LGI1: variants seen among roughly 807,000 people sequenced by gnomAD.
The protein encoded by LGI1 is leucine rich glioma inactivated 1.
In LGI1, 11 loss-of-function variants were observed where a neutral mutation model predicts 57.7. That is an observed-to-expected ratio of 0.19 (90% CI 0.12 to 0.32). The LOEUF (loss-of-function observed/expected upper bound fraction) is 0.32, where lower values mean the gene tolerates loss of function less well. LGI1 is among the 10% of genes least tolerant of loss of function. LGI1 has a pLI of 1.00. For synonymous variants in LGI1, 222 were observed against 241.9 expected, an observed-to-expected ratio of 0.92 and a Z score of 0.76; for missense variants, 422 against 661.9, an observed-to-expected ratio of 0.64 and a Z score of 3.98.
intron 4 of LGI1, among the ~76,000 whole-genome samples, chr10:93,783,387 T>C (rs2059866536): frequency 6.6e-6 from 1 of 152,046 alleles, no homozygotes; most frequent in Non-Finnish European, 1.5e-5. Context: ...AATAAATAAA[T>C]AAGTAAATAA....
rs2059994667 is a variant in LGI1 at position 93,797,865 on chromosome 10, A to G, written c.*62A>G. On this transcript the variant is annotated 3_prime_UTR_variant, in exon 8 of 8. Coordinates refer to ENST00000371418, the MANE Select transcript of LGI1 (RefSeq NM_005097.4). The surrounding 1 kb of genome is among the most constrained non-coding windows in gnomAD (Gnocchi z 6.5). The stretch of plus-strand genomic sequence containing the variant: ...ACAGTACATGACCCGGATGAACTCA[A>G]TGCATGATGACTCTTCTTATCACAC... 4 of 1,098,806 alleles carry G rather than the reference A, an allele frequency of 3.6e-6. No homozygotes were observed. The highest frequency in any genetic ancestry group is 1.7e-5 in the Admixed American group (1 of 59,290). The allele number at this position is 1,098,806 out of a possible 1,614,324, so 68.1% of individuals were successfully genotyped here. A position where few individuals can be genotyped will look rare whatever the true frequency, so the allele number is the denominator to read the frequency against.
At chr10:93,765,895 A>G (rs559969434) in intron 2 of LGI1, among the ~76,000 whole-genome samples, 200 of 149,710 alleles carry the variant, frequency 1.3e-3, no homozygotes, top group African/African-American at 4.0e-3. Context: ...GCGTGAACCC[A>G]GGAGGCGGAG....
chr10:93,778,209 C>T (rs1358053859), intron 4 of LGI1, among the ~76,000 whole-genome samples: 1 of 152,198 alleles, frequency 6.6e-6, no homozygotes, highest in African/African-American at 2.4e-5. Context: ...GATTCTTCTA[C>T]TGCTTAGGAC....
At chr10:93,775,195 C>T (rs745612901) in intron 2 of LGI1, among the ~76,000 whole-genome samples, 1 of 152,136 alleles carries the variant, frequency 6.6e-6, no homozygotes, top group Non-Finnish European at 1.5e-5. Context: ...TCAATATTAT[C>T]ATTACCCCAA....
At position 93,758,315 on chromosome 10, in the gene LGI1, T is replaced by C; in HGVS notation, c.171T>C (p.Asn57=). The change falls in exon 1 of 8, where the codon AAT becomes AAC. Residue 57 remains asparagine (N), a synonymous_variant. Transcript: ENST00000371418. The surrounding 1 kb of genome is among the most constrained non-coding windows in gnomAD (Gnocchi z 4.7). ...TCTKDNALCE[N]ARSIPRTVPP... ...CCAAAGATAATGCTTTATGTGAGAATGCCAGATCCATTCCACGCACCGTTC... is the reference window on the plus strand; with the variant it reads ...CCAAAGATAATGCTTTATGTGAGAACGCCAGATCCATTCCACGCACCGTTC... 6.2e-7 allele frequency: 1 copy of C among 1,614,228 alleles called. No homozygotes were observed. Among genetic ancestry groups the C allele is most frequent in the Non-Finnish European group, 8.5e-7 (1 of 1,180,042 alleles).
intron 4 of LGI1, among the ~76,000 whole-genome samples, chr10:93,781,991 A>C (rs1385861454): frequency 6.6e-6 from 1 of 152,236 alleles, no homozygotes; most frequent in African/African-American, 2.4e-5. Flanking sequence ...GTTCCCAATC[A>C]GTTGCACAGG....
chr10:93,777,708 C>G (rs534769772), intron 4 of LGI1, 91 bp downstream of exon 4: 6 of 1,012,702 alleles, frequency 5.9e-6, no homozygotes, highest in Non-Finnish European at 9.1e-6. Flanking sequence ...TTATGAGTGT[C>G]CATAAAAATT....
chr10:93,790,739 A>G (rs894082839), intron 5 of LGI1: 1 of 152,458 alleles, frequency 6.6e-6, no homozygotes, highest in African/African-American at 2.4e-5. Context: ...CCCTTTTTCA[A>G]ACAAAAGAGC....
At chr10:93,794,457 G>C (rs561207707) in intron 7 of LGI1, 6 of 144,926 alleles carry the variant, frequency 4.1e-5, no homozygotes, top group African/African-American at 1.5e-4. Context: ...TCAGCCTCCT[G>C]GGTTCAAGCG....
chr10:93,758,521 A>AT lies in LGI1; in HGVS notation c.215+169dup, dbSNP rs1015647136. 1.4e-5 allele frequency: 11 copies of AT among 814,748 alleles called. No homozygotes were observed. Among genetic ancestry groups the AT allele is most frequent in the Admixed American group, 8.5e-5 (4 of 46,984 alleles). 50.5% of individuals were successfully genotyped at this position (814,748 alleles called of 1,614,324 possible). A position where few individuals can be genotyped will look rare whatever the true frequency, so the allele number is the denominator to read the frequency against. ...ACATTTGCTGCATTTAGAATTTTTGATTTTTTTAGCTGCTACTGAACATGC... is the reference window on the plus strand; with the variant it reads ...ACATTTGCTGCATTTAGAATTTTTGATTTTTTTTAGCTGCTACTGAACATGC... On this transcript the variant is annotated intron_variant, in intron 1 of 7. Coordinates refer to ENST00000371418, the MANE Select transcript of LGI1 (RefSeq NM_005097.4). This position sits in a 1 kb window ranked among gnomAD's most constrained non-coding sequence, Gnocchi z 4.7.
chr10:93,777,715 A>C, intron 4 of LGI1, 98 bp downstream of exon 4: 1 of 932,064 alleles, frequency 1.1e-6, no homozygotes. Context: ...TGTCCATAAA[A>C]ATTTAAGAAA....
intron 2 of LGI1, 97 bp from the exon 3 acceptor site, chr10:93,777,282 T>C (rs1245450365): frequency 3.9e-6 from 4 of 1,028,702 alleles, no homozygotes; most frequent in Middle Eastern, 2.0e-4. Context: ...GACATTTTTC[T>C]GTATACAACT....
chr10:93,783,787 G>T (rs1423372019), intron 4 of LGI1, among the ~76,000 whole-genome samples: 1 of 152,148 alleles, frequency 6.6e-6, no homozygotes, highest in Non-Finnish European at 1.5e-5. Flanking sequence ...CAAGGCGGGC[G>T]GATCACTTGA....
intron 2 of LGI1, among the ~76,000 whole-genome samples, chr10:93,766,156 G>A (rs1036898354): frequency 5.9e-5 from 9 of 152,114 alleles, no homozygotes; most frequent in Admixed American, 5.2e-4. Context: ...CTCTCCCTGT[G>A]GTGGTTGATG....
intron 4 of LGI1, among the ~76,000 whole-genome samples, chr10:93,781,052 T>C (rs942589650): frequency 9.2e-5 from 14 of 152,146 alleles, no homozygotes; most frequent in Non-Finnish European, 1.9e-4. Context: ...AAGAGACATT[T>C]ACAGATAACT....
At chr10:93,796,386 A>G (rs142841561) in intron 7 of LGI1, among the ~76,000 whole-genome samples, 17 of 152,272 alleles carry the variant, frequency 1.1e-4, no homozygotes, top group African/African-American at 3.1e-4. Context: ...TCTTAGATAA[A>G]CCAAATTTGA....
At chr10:93,775,106 A>T (rs1438515022) in intron 2 of LGI1, among the ~76,000 whole-genome samples, 1 of 152,124 alleles carries the variant, frequency 6.6e-6, no homozygotes, top group African/African-American at 2.4e-5. Flanking sequence ...CATAAAGAAA[A>T]AGTGCACGTT....
rs147766536 is a variant in LGI1, at chr10:93,786,554, G to A, written c.432-3545G>A. On this transcript the variant is annotated intron_variant, in intron 4 of 7. Coordinates refer to ENST00000371418, the MANE Select transcript of LGI1 (RefSeq NM_005097.4). ...TACAAAATATTCCGTGTTACATATG[G>A]ACCATAGTTTATTTACATGATCCCT... is the stretch of plus-strand genomic sequence containing the variant. Among the ~76,000 whole-genome samples, 421 of 46,552 alleles carry A rather than the reference G, an allele frequency of 9.0e-3. 105 individuals carry two copies. The highest frequency in any genetic ancestry group is 0.012 in the African/African-American group (400 of 33,446). The allele number at this position is 46,552 out of a possible 152,430, so 30.5% of individuals were successfully genotyped here. A position where few individuals can be genotyped will look rare whatever the true frequency, so the allele number is the denominator to read the frequency against.
At chr10:93,768,102 A>G (rs1225220050) in intron 2 of LGI1, 6 of 152,190 alleles carry the variant, frequency 3.9e-5, no homozygotes, top group Admixed American at 3.9e-4. Flanking sequence ...AACTTCTTTA[A>G]CCCACTTTTC....
Sources: gnomAD v4.1 joint callset for allele counts (sites outside exome capture counted in the v4.1 genomes callset) on GRCh38, gnomAD v4.1.1 for gene constraint, Gnocchi (gnomAD v3.1) non-coding constraint, MANE v1.5 for transcripts, NCBI Gene and HGNC (gene_info 2026-07-23, HGNC 2026-07-21) for gene names.